ATM: variants seen among roughly 807,000 people sequenced by gnomAD.
The protein encoded by ATM is serine-protein kinase ATM.
ATM carries 308 observed loss-of-function variants against 387.0 expected under a neutral mutation model. The ratio of observed to expected loss-of-function variants is 0.80; its 90% confidence interval spans 0.73 to 0.87. The LOEUF (loss-of-function observed/expected upper bound fraction) is 0.87. Among genes scored for constraint, ATM ranks in the 40% least tolerant of loss-of-function variants. ATM has a pLI of 0.00. For synonymous variants in ATM, 1,156 were observed against 1,187.3 expected, an observed-to-expected ratio of 0.97 and a Z score of 0.54; for missense variants, 3,312 against 3,560.9, an observed-to-expected ratio of 0.93 and a Z score of 1.78.
intron 37 of ATM, among the ~76,000 whole-genome samples, chr11:108,306,242 G>A (rs1254326383): frequency 6.6e-6 from 1 of 151,892 alleles, no homozygotes; most frequent in East Asian, 1.9e-4. Context: ...CCCATCCTGT[G>A]ATCCTACTAG....
In ATM at chr11:108,261,711, G is replaced by A. The variant is rs571200415; in HGVS notation, c.2466+2636G>A. Reference sequence around the variant, plus strand: ...AGCTACGGGAGGACATTCAAACCAAGGGCAAAGAAGTTGAAAACTTTGAAA... The same window carrying A: ...AGCTACGGGAGGACATTCAAACCAAAGGCAAAGAAGTTGAAAACTTTGAAA... On this transcript the variant is annotated intron_variant, in intron 16 of 62. Coordinates refer to ENST00000675843, the MANE Select transcript of ATM (RefSeq NM_000051.4). Among the ~76,000 whole-genome samples, 315 of 151,744 alleles carry A rather than the reference G, an allele frequency of 2.1e-3. 2 individuals carry two copies. Among genetic ancestry groups the A allele is most frequent in the East Asian group, 9.7e-3 (50 of 5,168 alleles).
intron 7 of ATM, 73 bp downstream of exon 7, chr11:108,245,099 G>A: frequency 1.7e-6 from 2 of 1,205,480 alleles, no homozygotes. Flanking sequence ...TAAAATTAGT[G>A]TTCTTTAGGA....
intron 46 of ATM, 118 bp from the exon 47 acceptor site, chr11:108,325,940 C>T (rs2085631635): frequency 1.6e-6 from 2 of 1,262,144 alleles, no homozygotes; most frequent in Non-Finnish European, 2.2e-6. Context: ...TTAAGATAGT[C>T]CCTGACAAGT....
At chr11:108,268,665 T>A (rs1379221491) in intron 18 of ATM, 56 bp downstream of exon 18, 1 of 1,534,696 alleles carries the variant, frequency 6.5e-7, no homozygotes, top group African/African-American at 1.4e-5. Flanking sequence ...GCTGACTAAA[T>A]GTAATGAGTT....
In ATM at chr11:108,253,799, C is replaced by G. The variant is rs759924007; in HGVS notation, c.1899-15C>G. 6.3e-7 allele frequency: 1 copy of G among 1,598,814 alleles called. No homozygotes were observed. Among genetic ancestry groups the G allele is most frequent in the African/African-American group, 1.3e-5 (1 of 74,588 alleles). On this transcript the variant is annotated splice_polypyrimidine_tract_variant and intron_variant, in intron 12 of 62. Transcript: ENST00000675843. ...GGTACTTGGTTTATATATTAAAGATCTTACTTTCTTGAAGTGAACACCACC... is the reference window on the plus strand; with the variant it reads ...GGTACTTGGTTTATATATTAAAGATGTTACTTTCTTGAAGTGAACACCACC...
chr11:108,243,859 G>A (rs985272370), intron 5 of ATM, 94 bp from the exon 6 acceptor site: 52 of 1,175,438 alleles, frequency 4.4e-5, no homozygotes, highest in Non-Finnish European at 5.4e-5. Context: ...TCCTTTTTCT[G>A]TATGGGATTA....
chr11:108,230,485 T>G (rs2078956676), intron 4 of ATM: 1 of 152,190 alleles, frequency 6.6e-6, no homozygotes, highest in South Asian at 2.1e-4. Flanking sequence ...AAAACTCCTA[T>G]TTATGTTTTT....
chr11:108,317,689 T>G (rs2084863966), intron 43 of ATM, among the ~76,000 whole-genome samples, 168 bp downstream of exon 43: 1 of 138,798 alleles, frequency 7.2e-6, no homozygotes. Flanking sequence ...TATATATACA[T>G]ACCATATATA....
intron 26 of ATM, among the ~76,000 whole-genome samples, chr11:108,285,315 T>C (rs1284021680): frequency 2.9e-5 from 3 of 102,494 alleles, no homozygotes; most frequent in Admixed American, 1.1e-4. Context: ...GTATACATTT[T>C]TCTCTCTTTT....
rs11305754 is a variant in ATM at position 108,300,878 on chromosome 11, CTTT to C, written c.5178-750_5178-748del. 2.1e-4 allele frequency among the ~76,000 whole-genome samples: 22 copies of C among 102,670 alleles called. No homozygotes were observed. The South Asian group carries it at 4.5e-3, about 21-fold the overall frequency. The allele number at this position is 102,670 out of a possible 152,430, so 67.4% of individuals were successfully genotyped here. A position where few individuals can be genotyped will look rare whatever the true frequency, so the allele number is the denominator to read the frequency against. On this transcript the variant is annotated intron_variant, in intron 34 of 62. Transcript: ENST00000675843. ...TTAACATGTATTAATTCATCTCTCT[CTTT>C]TTTTTTTTTTTTTTTTTTTGAGACA... is the stretch of plus-strand genomic sequence containing the variant.
chr11:108,329,429 C>A (rs542911289), intron 49 of ATM, 191 bp downstream of exon 49: 99 of 588,116 alleles, frequency 1.7e-4, no homozygotes, highest in Non-Finnish European at 2.4e-4. Flanking sequence ...TTTTTTGAGA[C>A]AAGGTCTCAC....
intron 25 of ATM, 126 bp downstream of exon 25, chr11:108,283,005 G>A: frequency 1.6e-6 from 1 of 614,272 alleles, no homozygotes; most frequent in Non-Finnish European, 2.8e-6. Context: ...AGCCTACATA[G>A]TATGAGAAGC....
rs2136373497 is a variant in ATM at position 108,327,659 on chromosome 11, A to G, written c.6990A>G (p.Leu2330=). ...DASCAANNPS[L]KLTYTECLRV... Reference sequence around the variant, plus strand: ...TTCTTATACAGAACAATCCCAGCCTAAAACTTACATACACAGAATGTCTGA... The same window carrying G: ...TTCTTATACAGAACAATCCCAGCCTGAAACTTACATACACAGAATGTCTGA... Residue 2330 remains leucine, a synonymous_variant, in exon 48 of 63, where the codon CTA becomes CTG. Coordinates refer to ENST00000675843, the MANE Select transcript of ATM (RefSeq NM_000051.4). 1.2e-6 allele frequency: 2 copies of G among 1,613,830 alleles called. No homozygotes were observed. Among genetic ancestry groups the G allele is most frequent in the Non-Finnish European group, 1.7e-6 (2 of 1,179,810 alleles).
chr11:108,225,821 T>C (rs1439334654), intron 1 of ATM: 2 of 152,116 alleles, frequency 1.3e-5, no homozygotes, highest in Admixed American at 1.3e-4. Context: ...AGGGCATTCA[T>C]TTTGTAAGAG....
chr11:108,237,389 C>G (rs971310824), intron 5 of ATM, among the ~76,000 whole-genome samples: 2 of 152,176 alleles, frequency 1.3e-5, no homozygotes, highest in African/African-American at 4.8e-5. Context: ...AGTCTTTCCC[C>G]TAGTCTGCTT....
Position 108,330,228 on chromosome 11 carries a change from T to G in ATM, c.7322T>G (p.Val2441Gly), listed in dbSNP as rs765548443. 1 of 1,614,132 alleles carries G rather than the reference T, an allele frequency of 6.2e-7. No individual in the cohort carries two copies. Among genetic ancestry groups the G allele is most frequent in the Non-Finnish European group, 8.5e-7 (1 of 1,179,984 alleles). ...TTCTATGCAAGATACACAGTAAAGG[T>G]TCAGCGAGAGCTGGAGTTGGATGAA... ...KIQTNRYTVK[V>G]QRELELDELA... The change falls in exon 50 of 63, where the codon GTT (valine) becomes GGT (glycine). Residue 2441 changes from valine to glycine, a missense_variant. By Grantham distance (109) the Val-to-Gly change is moderately radical. Coordinates refer to ENST00000675843, the MANE Select transcript of ATM (RefSeq NM_000051.4).
At chr11:108,334,004 A>G (rs765435200) in intron 54 of ATM, 36 bp downstream of exon 54, 2 of 1,518,142 alleles carry the variant, frequency 1.3e-6, no homozygotes, top group Non-Finnish European at 1.8e-6. Flanking sequence ...TTTTTAAACT[A>G]AATTTTTTTT....
At chr11:108,245,074 A>G (rs764391603) in intron 7 of ATM, 48 bp downstream of exon 7, 13 of 1,423,878 alleles carry the variant, frequency 9.1e-6, no homozygotes, top group African/African-American at 1.4e-5. Flanking sequence ...TCATTCAAAC[A>G]TAGAAGTCTA....
intron 58 of ATM, 44 bp from the exon 59 acceptor site, chr11:108,347,235 G>A (rs1231493089): frequency 7.3e-7 from 1 of 1,367,970 alleles, no homozygotes. Context: ...ATTAGAAAGA[G>A]ATGGAATCAG....
Sources: allele counts gnomAD v4.1 joint callset (sites outside exome capture counted in the v4.1 genomes callset), GRCh38; gene constraint gnomAD v4.1.1; transcripts MANE v1.5; gene names NCBI Gene and HGNC (gene_info 2026-07-23, HGNC 2026-07-21).